Variants in ATAD2B observed in about 807,000 individuals in gnomAD.
The protein encoded by ATAD2B is ATPase family AAA domain-containing protein 2B.
A neutral mutation model predicts 167.6 loss-of-function variants in ATAD2B; 40 were observed. The observed-to-expected ratio is 0.24, with a 90% CI of 0.19 to 0.31. The LOEUF (loss-of-function observed/expected upper bound fraction) is 0.31. Among genes scored for constraint, ATAD2B ranks in the 10% least tolerant of loss-of-function variants. The pLI, the probability that ATAD2B is intolerant of heterozygous loss-of-function variation, is 1.00. For synonymous variants in ATAD2B, 579 were observed against 596.5 expected (o/e 0.97, Z 0.43); for missense variants, 1,242 against 1,757.2 (o/e 0.71, Z 5.24).
intron 1 of ATAD2B, among the ~76,000 whole-genome samples, chr2:23,899,918 C>CTTT (rs34685891): frequency 2.6e-4 from 22 of 83,608 alleles, no homozygotes; most frequent in East Asian, 8.1e-4. Flanking sequence ...AGTTTTCTTA[C>CTTT]TTTTTTTTTT....
At chr2:23,679,548 G>A in the ATAD2B span, among the ~76,000 whole-genome samples, 1 of 149,368 alleles carries the variant, frequency 6.7e-6, no homozygotes, top group African/African-American at 2.4e-5. Flanking sequence ...TCAAAGGGTA[G>A]GGAAATCATC....
In ATAD2B at chr2:23,828,889, C is replaced by A; in HGVS notation, c.1779G>T (p.Leu593Phe). ...CCAATTCACCTAAAAATGCATCTGA[C>A]AATTTTGGATTCCAGTCCCTGGTAT... is the stretch of plus-strand genomic sequence containing the variant. ...QIHTRDWNPK[L>F]SDAFLGELAE... Residue 593 changes from leucine (L) to phenylalanine (F), a missense_variant, in exon 15 of 28, where the codon TTG becomes TTT. By Grantham distance (22) the Leu-to-Phe change is conservative. Around this residue, in one of 9 missense-constraint regions of ATAD2B, gnomAD observed 151 missense variants for 284.1 expected, o/e 0.53. Transcript: ENST00000238789. 1 of 1,610,862 alleles carries A rather than the reference C, an allele frequency of 6.2e-7. No individual in the cohort carries two copies. The highest frequency in any genetic ancestry group is 1.1e-5 in the South Asian group (1 of 90,116).
the ATAD2B span, chr2:23,697,615 G>T: frequency 6.6e-6 from 1 of 152,204 alleles, no homozygotes; most frequent in Admixed American, 6.5e-5. Context: ...CAGCAAAGAC[G>T]GTTGCAGAGT....
intron 14 of ATAD2B, chr2:23,832,194 A>G: frequency 2.1e-6 from 1 of 468,836 alleles, no homozygotes; most frequent in South Asian, 1.6e-5. Context: ...CACTGTCTTT[A>G]GTTTTCCTCT....
the ATAD2B span, chr2:23,707,437 T>C: frequency 6.6e-6 from 1 of 152,174 alleles, no homozygotes; most frequent in Admixed American, 6.5e-5. Context: ...ACAAGAGGGA[T>C]AATGTTGTGG....
At chr2:23,724,772 G>C in the ATAD2B span, among the ~76,000 whole-genome samples, 112 of 151,992 alleles carry the variant, frequency 7.4e-4, no homozygotes, top group African/African-American at 2.6e-3. Flanking sequence ...GGCTGGGCAC[G>C]GTGGCTCACG....
the ATAD2B span, among the ~76,000 whole-genome samples, chr2:23,727,849 T>C: frequency 6.6e-6 from 1 of 152,196 alleles, no homozygotes; most frequent in Non-Finnish European, 1.5e-5. Flanking sequence ...CTATGTAACA[T>C]TCTAGAAAGA....
chr2:23,678,122 G>C, the ATAD2B span, among the ~76,000 whole-genome samples: 13 of 152,194 alleles, frequency 8.5e-5, no homozygotes, highest in Non-Finnish European at 1.5e-4. Context: ...CAAATAACTT[G>C]TGTCGTTTGG....
the ATAD2B span, among the ~76,000 whole-genome samples, chr2:23,724,471 A>T: frequency 6.6e-6 from 1 of 152,098 alleles, no homozygotes; most frequent in Non-Finnish European, 1.5e-5. Context: ...AGATATATAT[A>T]TTTTTTAAAT....
intron 22 of ATAD2B, among the ~76,000 whole-genome samples, chr2:23,776,534 G>C (rs1026537287): frequency 2.0e-5 from 3 of 152,224 alleles, no homozygotes; most frequent in African/African-American, 7.2e-5. Context: ...TCAGTGAGTA[G>C]AGAAGCAAAT....
intron 23 of ATAD2B, 64 bp from the exon 24 acceptor site, chr2:23,762,410 T>C: frequency 1.3e-6 from 2 of 1,496,298 alleles, no homozygotes; most frequent in Admixed American, 4.7e-5. Flanking sequence ...AAAAGGTTTT[T>C]AAAAAAATCT....
intron 1 of ATAD2B, among the ~76,000 whole-genome samples, chr2:23,897,709 A>G (rs760453282): frequency 7.2e-5 from 11 of 152,188 alleles, no homozygotes; most frequent in African/African-American, 9.7e-5. Context: ...CTTTTGACAC[A>G]TCCTCATCAT....
the ATAD2B span, chr2:23,693,346 A>G: frequency 1.9e-6 from 3 of 1,551,576 alleles, no homozygotes; most frequent in East Asian, 2.4e-5. Context: ...GCTCTACCAC[A>G]TGGCCAAGGC....
intron 13 of ATAD2B, among the ~76,000 whole-genome samples, chr2:23,852,976 C>G (rs1316074294): frequency 6.7e-6 from 1 of 149,958 alleles, no homozygotes; most frequent in African/African-American, 2.5e-5. Context: ...TAATAGAATA[C>G]AGGAGAAAAG....
At chr2:23,833,138 G>A (rs1015589024) in intron 14 of ATAD2B, among the ~76,000 whole-genome samples, 3 of 152,170 alleles carry the variant, frequency 2.0e-5, no homozygotes, top group Non-Finnish European at 4.4e-5. Flanking sequence ...GGTATGAACT[G>A]CTCTACACAG....
intron 22 of ATAD2B, among the ~76,000 whole-genome samples, chr2:23,773,844 C>A (rs1156958568): frequency 6.6e-6 from 1 of 152,050 alleles, no homozygotes; most frequent in Non-Finnish European, 1.5e-5. Context: ...CCTCTCTGAG[C>A]CCCCATCTCC....
At chr2:23,752,306 G>A (rs1449467328) in intron 27 of ATAD2B, among the ~76,000 whole-genome samples, 2 of 151,780 alleles carry the variant, frequency 1.3e-5, no homozygotes, top group African/African-American at 4.8e-5. Context: ...GGATGATGAT[G>A]ATGGTCACAC....
intron 19 of ATAD2B, among the ~76,000 whole-genome samples, chr2:23,793,662 T>C (rs1339641911): frequency 6.6e-6 from 1 of 152,238 alleles, no homozygotes; most frequent in Non-Finnish European, 1.5e-5. Flanking sequence ...GTTACTTAAA[T>C]CCTACGTGAT....
Position 23,769,711 on chromosome 2 carries a change from G to GATTTTTT in ATAD2B, c.3134-4084_3134-4083insAAAAAAT, listed in dbSNP as rs199842019. ...AAGTGTTTAATGGTGTCTCACTGTGGGTTTTTTTTTTTTTTTTTTTTTGAG... is the reference window on the plus strand; with the variant it reads ...AAGTGTTTAATGGTGTCTCACTGTGGATTTTTTGTTTTTTTTTTTTTTTTTTTTTGAG... On this transcript the variant is annotated intron_variant, in intron 22 of 27. Transcript: ENST00000238789. Among the ~76,000 whole-genome samples, 9 of 129,836 alleles carry GATTTTTT rather than the reference G, an allele frequency of 6.9e-5. 2 individuals carry two copies. The highest frequency in any genetic ancestry group is 1.0e-4 in the Non-Finnish European group (6 of 60,084). 85.2% of individuals were successfully genotyped at this position (129,836 alleles called of 152,430 possible). A position where few individuals can be genotyped will look rare whatever the true frequency, so the allele number is the denominator to read the frequency against.
Sources: allele counts gnomAD v4.1 joint callset (sites outside exome capture counted in the v4.1 genomes callset), GRCh38; gene constraint gnomAD v4.1.1; regional missense constraint gnomAD v4.1.1; transcripts MANE v1.5; gene names NCBI Gene and HGNC (gene_info 2026-07-23, HGNC 2026-07-21).